THSD4: variants seen among roughly 807,000 people sequenced by gnomAD.
The protein encoded by THSD4 is thrombospondin type 1 domain containing 4.
Under a neutral mutation model 119.0 loss-of-function variants are expected in THSD4, and 69 were observed. That is an observed-to-expected ratio of 0.58 (90% CI 0.48 to 0.71). The LOEUF is 0.71. THSD4 is among the 30% of genes least tolerant of loss of function. The probability of loss-of-function intolerance (pLI) is 0.00; values close to 1 mark genes in which losing one functional copy is unlikely to be tolerated. For missense variants in THSD4, 1,393 were observed against 1,391.1 expected, an observed-to-expected ratio of 1.00 and a Z score of -0.02; for synonymous variants, 524 against 540.4, an observed-to-expected ratio of 0.97 and a Z score of 0.42.
chr15:71,243,038 G>T lies in THSD4; in HGVS notation c.854G>T (p.Arg285Leu). Residue 285 changes from arginine to leucine, a missense_variant, in exon 5 of 18, where the codon CGA (arginine) becomes CTA (leucine). Arg to Leu is a moderately radical substitution (Grantham distance 102). Transcript: ENST00000261862. ...ACTCAGAGCTTCTCTCAGCCTGCCC[G>T]ATCTACAGCAATCTCATGCATCGGG... ...GATQSFSQPARSTAISCIGAY... is the reference protein window; with the variant it reads ...GATQSFSQPALSTAISCIGAY... 2 of 1,614,160 alleles carry T rather than the reference G, an allele frequency of 1.2e-6. No individual in the cohort carries two copies. The highest frequency in any genetic ancestry group is 1.7e-6 in the Non-Finnish European group (2 of 1,180,026).
intron 6 of THSD4, among the ~76,000 whole-genome samples, chr15:71,323,007 G>T (rs2140362535): frequency 6.6e-6 from 1 of 151,172 alleles, no homozygotes; most frequent in South Asian, 2.1e-4. Context: ...TGAGGTGGGA[G>T]GATCACCTGA....
intron 7 of THSD4, among the ~76,000 whole-genome samples, chr15:71,453,472 A>G (rs540260139): frequency 6.6e-6 from 1 of 152,330 alleles, no homozygotes; most frequent in African/African-American, 2.4e-5. Flanking sequence ...GTCACCTGCC[A>G]CAAACGAATA....
At chr15:71,330,957 G>A (rs1428932009) in intron 6 of THSD4, among the ~76,000 whole-genome samples, 1 of 152,210 alleles carries the variant, frequency 6.6e-6, no homozygotes, top group African/African-American at 2.4e-5. Context: ...CTGGCGATCT[G>A]GCCTTGTCGA....
At chr15:71,413,223 G>T (rs1195544319) in intron 7 of THSD4, among the ~76,000 whole-genome samples, 3 of 152,156 alleles carry the variant, frequency 2.0e-5, no homozygotes, top group African/African-American at 7.2e-5. Flanking sequence ...ATGTTGGCCA[G>T]GCTGGTCTTG....
intron 7 of THSD4, among the ~76,000 whole-genome samples, chr15:71,588,793 A>C (rs1025001935): frequency 2.6e-5 from 4 of 152,144 alleles, no homozygotes; most frequent in African/African-American, 9.7e-5. Flanking sequence ...GTAGCTTGGA[A>C]TACATGTGGG....
At chr15:71,352,101 CCATTT>C (rs1201608692) in intron 6 of THSD4, among the ~76,000 whole-genome samples, 3 of 152,186 alleles carry the variant, frequency 2.0e-5, no homozygotes, top group African/African-American at 7.2e-5. Context: ...ACTGCCATGT[CCATTT>C]ATTTTTGGCA....
At chr15:71,658,566 C>T (rs936716113) in intron 7 of THSD4, among the ~76,000 whole-genome samples, 3 of 152,188 alleles carry the variant, frequency 2.0e-5, no homozygotes, top group Non-Finnish European at 4.4e-5. Flanking sequence ...ATGGGTTCTA[C>T]TATTCAAAAC....
Position 71,778,302 on chromosome 15 carries a change from C to G in THSD4, c.*928C>G, listed in dbSNP as rs939277521. On this transcript the variant is annotated 3_prime_UTR_variant, in exon 18 of 18. Transcript: ENST00000261862. ...TGTCTGTTCCTACTTGCCCTTACCC[C>G]CAAAGTTACAGATCCTAGTTACAGG... is the stretch of plus-strand genomic sequence containing the variant. 15 of 152,254 alleles carry G rather than the reference C, an allele frequency of 9.9e-5. No individual in the cohort carries two copies. The highest frequency in any genetic ancestry group is 2.9e-4 in the African/African-American group (12 of 41,442). The allele number at this position is 152,254 out of a possible 1,614,324, so 9.4% of individuals were successfully genotyped here.
intron 14 of THSD4, among the ~76,000 whole-genome samples, chr15:71,750,207 C>A (rs1388058579): frequency 1.3e-5 from 2 of 152,194 alleles, no homozygotes; most frequent in African/African-American, 4.8e-5. Context: ...ATGAGAACAA[C>A]AACCATAGTA....
At chr15:71,776,372 A>C (rs2053913035) in intron 17 of THSD4, among the ~76,000 whole-genome samples, 1 of 152,226 alleles carries the variant, frequency 6.6e-6, no homozygotes, top group African/African-American at 2.4e-5. Flanking sequence ...ATTTTCGTGA[A>C]TCATTTTTTA....
At chr15:71,642,678 T>C (rs1260771730) in intron 7 of THSD4, among the ~76,000 whole-genome samples, 1 of 152,158 alleles carries the variant, frequency 6.6e-6, no homozygotes, top group Non-Finnish European at 1.5e-5. Flanking sequence ...GAAATCATCA[T>C]TCTCAGTAAA....
chr15:71,286,129 A>G (rs905447500), intron 6 of THSD4, among the ~76,000 whole-genome samples: 7 of 152,094 alleles, frequency 4.6e-5, no homozygotes, highest in Admixed American at 3.3e-4. Flanking sequence ...TGTTGTTACT[A>G]TTACTGTTAT....
chr15:71,256,926 CAGAT>C (rs1237141898), intron 6 of THSD4, among the ~76,000 whole-genome samples: 1 of 152,130 alleles, frequency 6.6e-6, no homozygotes, highest in East Asian at 1.9e-4. Context: ...CGGCATGAGT[CAGAT>C]GGATGAGGCA....
chr15:71,376,149 T>C (rs1265592117), intron 6 of THSD4, among the ~76,000 whole-genome samples: 1 of 152,120 alleles, frequency 6.6e-6, no homozygotes, highest in Non-Finnish European at 1.5e-5. Context: ...GTAATGTCTG[T>C]CATGGGTGCA....
intron 8 of THSD4, among the ~76,000 whole-genome samples, chr15:71,715,204 CA>C (rs935618055): frequency 3.9e-5 from 6 of 152,210 alleles, no homozygotes; most frequent in African/African-American, 1.2e-4. Flanking sequence ...TGTGTCTCTA[CA>C]AAACCCTTGT....
chr15:71,194,906 T>G (rs906655454), intron 3 of THSD4, among the ~76,000 whole-genome samples: 9 of 152,056 alleles, frequency 5.9e-5, no homozygotes, highest in African/African-American at 1.9e-4. Flanking sequence ...GAAGCTGCCC[T>G]GGGAAAGTCG....
chr15:71,128,878 A>G (rs1445029127), intron 1 of THSD4, among the ~76,000 whole-genome samples: 1 of 152,258 alleles, frequency 6.6e-6, no homozygotes, highest in Non-Finnish European at 1.5e-5. Context: ...ACTATAGACA[A>G]CCTGGAAGTA....
intron 7 of THSD4, among the ~76,000 whole-genome samples, chr15:71,621,664 CTG>C (rs558147358): frequency 1.2e-4 from 18 of 152,266 alleles, no homozygotes; most frequent in African/African-American, 4.3e-4. Context: ...GACACTAAAA[CTG>C]TGGTGAAAAT....
intron 8 of THSD4, among the ~76,000 whole-genome samples, chr15:71,671,075 G>T (rs1202159830): frequency 6.6e-6 from 1 of 152,182 alleles, no homozygotes; most frequent in Non-Finnish European, 1.5e-5. Flanking sequence ...CTTCCACAAT[G>T]GTTGAACTAA....
Sources: allele counts gnomAD v4.1 joint callset (sites outside exome capture counted in the v4.1 genomes callset), GRCh38; gene constraint gnomAD v4.1.1; transcripts MANE v1.5; gene names NCBI Gene and HGNC (gene_info 2026-07-23, HGNC 2026-07-21).